DHX35: variants seen among roughly 807,000 people sequenced by gnomAD.
DHX35 encodes DEAH-box helicase 35.
Under a neutral mutation model 99.6 loss-of-function variants are expected in DHX35, and 84 were observed. That is an observed-to-expected ratio of 0.84 (90% confidence interval 0.71 to 1.01). The LOEUF (loss-of-function observed/expected upper bound fraction) is 1.01, where lower values mean the gene tolerates loss of function less well. Among genes scored for constraint, DHX35 ranks in the 50% least tolerant of loss-of-function variants. The probability of loss-of-function intolerance (pLI) is 0.00; values close to 1 mark genes in which losing one functional copy is unlikely to be tolerated. For synonymous variants in DHX35, 331 were observed against 316.2 expected, an observed-to-expected ratio of 1.05 and a Z score of -0.50; for missense variants, 852 against 888.5, an observed-to-expected ratio of 0.96 and a Z score of 0.52.
At chr20:39,007,649 T>C (rs148413699) in intron 12 of DHX35, among the ~76,000 whole-genome samples, 43 of 152,172 alleles carry the variant, frequency 2.8e-4, no homozygotes, top group Middle Eastern at 3.4e-3. Context: ...GAAGAGGTGA[T>C]TGGGGAGATT....
chr20:38,998,362 T>C (rs996976574), intron 8 of DHX35, among the ~76,000 whole-genome samples: 9 of 152,202 alleles, frequency 5.9e-5, no homozygotes, highest in Non-Finnish European at 7.4e-5. Flanking sequence ...GTCTCCACCC[T>C]GGACCAGTCT....
intron 3 of DHX35, chr20:38,978,422 T>C: frequency 1.6e-6 from 1 of 641,990 alleles, no homozygotes; most frequent in South Asian, 1.6e-5. Context: ...ACATCTTTCA[T>C]GGGGTGGTGG....
intron 7 of DHX35, among the ~76,000 whole-genome samples, chr20:38,993,360 C>CT (rs1300599138): frequency 2.0e-5 from 3 of 151,880 alleles, no homozygotes; most frequent in Admixed American, 6.6e-5. Context: ...TTTCTTCTCT[C>CT]TTTTTTTTCT....
rs1419163922 is a variant in DHX35, at chr20:38,969,075, C to T, written c.41-6C>T. On this transcript the variant is annotated splice_polypyrimidine_tract_variant and splice_region_variant and intron_variant, in intron 1 of 21. Coordinates refer to ENST00000252011, the MANE Select transcript of DHX35 (RefSeq NM_021931.4). ...AGAATCTGAAAAAAAAACATTTCTG[C>T]TGCAGGTACAGAGGGGCCAGGTGTA... 2 of 1,584,540 alleles carry T rather than the reference C, an allele frequency of 1.3e-6. No individual in the cohort carries two copies. Among genetic ancestry groups the T allele is most frequent in the Non-Finnish European group, 1.7e-6 (2 of 1,167,288 alleles).
rs770087110 is a variant in DHX35, at chr20:38,962,390, T to A, written c.23T>A (p.Val8Glu). 6.2e-7 allele frequency: 1 copy of A among 1,612,762 alleles called. No individual in the cohort carries two copies. The highest frequency in any genetic ancestry group is 1.1e-5 in the South Asian group (1 of 90,912). Residue 8 changes from valine to glutamate, a missense_variant, in exon 1 of 22, where the codon GTG (valine) becomes GAG (glutamate). Transcript: ENST00000252011. MAAPVGP[V>E]KFWRPGTEGP... ...AACATGGCTGCGCCCGTGGGACCGGTGAAGTTCTGGCGACCCGGTAAGGCC... is the reference window on the plus strand; with the variant it reads ...AACATGGCTGCGCCCGTGGGACCGGAGAAGTTCTGGCGACCCGGTAAGGCC...
chr20:39,023,563 G>C, intron 16 of DHX35, 127 bp from the exon 17 acceptor site: 2 of 762,180 alleles, frequency 2.6e-6, no homozygotes, highest in Non-Finnish European at 4.4e-6. Context: ...ATGTTGCCCA[G>C]GCTGGTCTCG....
intron 3 of DHX35, chr20:38,977,702 A>G (rs1304131837): frequency 1.8e-5 from 7 of 379,224 alleles, no homozygotes; most frequent in Admixed American, 1.7e-4. Context: ...ACAGCCAGAT[A>G]TCAACTGTTG....
chr20:39,016,132 C>T (rs557889401), intron 14 of DHX35, among the ~76,000 whole-genome samples: 1 of 152,182 alleles, frequency 6.6e-6, no homozygotes, highest in Non-Finnish European at 1.5e-5. Flanking sequence ...CCTGCTTCCA[C>T]TCAAGGTGGA....
chr20:39,034,294 C>G lies in DHX35; in HGVS notation c.2044C>G (p.Pro682Ala). 6.2e-7 allele frequency: 1 copy of G among 1,614,142 alleles called. No individual in the cohort carries two copies. The highest frequency in any genetic ancestry group is 8.5e-7 in the Non-Finnish European group (1 of 1,180,014). ...ATCGGCCTGGCTGTTGGAGCTGGCTCCACACTTTTATCAACAAGGAACGGT... is the reference window on the plus strand; with the variant it reads ...ATCGGCCTGGCTGTTGGAGCTGGCTGCACACTTTTATCAACAAGGAACGGT... ...IESAWLLELA[P>A]HFYQQGTHLS... The change falls in exon 21 of 22, where the codon CCA becomes GCA. Residue 682 changes from proline to alanine, a missense_variant. Pro to Ala is a conservative substitution (Grantham distance 27). Transcript: ENST00000252011.
intron 2 of DHX35, among the ~76,000 whole-genome samples, chr20:38,969,995 G>A (rs2085969679): frequency 6.6e-6 from 1 of 152,218 alleles, no homozygotes; most frequent in Non-Finnish European, 1.5e-5. Flanking sequence ...GGAATGACCC[G>A]AGTAGGTGTG....
At chr20:39,006,825 A>G (rs948748170) in intron 12 of DHX35, among the ~76,000 whole-genome samples, 2 of 152,244 alleles carry the variant, frequency 1.3e-5, no homozygotes, top group Non-Finnish European at 2.9e-5. Flanking sequence ...CATAGAAAAC[A>G]AATAGTTGGT....
chr20:39,039,418 C>G lies in DHX35; in HGVS notation c.*875C>G, dbSNP rs554674847. 6.6e-6 allele frequency: 1 copy of G among 152,562 alleles called. No homozygotes were observed. Among genetic ancestry groups the G allele is most frequent in the African/African-American group, 2.4e-5 (1 of 41,436 alleles). The allele number at this position is 152,562 out of a possible 1,614,324, so 9.5% of individuals were successfully genotyped here. On this transcript the variant is annotated 3_prime_UTR_variant, in exon 22 of 22. Coordinates refer to ENST00000252011, the MANE Select transcript of DHX35 (RefSeq NM_021931.4). The stretch of plus-strand genomic sequence containing the variant: ...TTGTTTGCTTGGGTTCTTGCAAGAG[C>G]GCGTGGGGACAGTTCTTCCAGCAGG...
intron 11 of DHX35, among the ~76,000 whole-genome samples, 186 bp from the exon 12 acceptor site, chr20:39,005,960 A>G (rs551164698): frequency 1.3e-5 from 2 of 152,282 alleles, no homozygotes; most frequent in African/African-American, 2.4e-5. Context: ...CCAGGGTCAC[A>G]TGATTAGGGA....
chr20:39,008,089 GTTC>G (rs1220575049), intron 12 of DHX35, among the ~76,000 whole-genome samples: 3 of 152,140 alleles, frequency 2.0e-5, no homozygotes, highest in Non-Finnish European at 4.4e-5. Context: ...ACCAACCTGT[GTTC>G]TTCTCAATGG....
At position 39,023,786 on chromosome 20, in the gene DHX35, C is replaced by T. The variant is rs1009388255; in HGVS notation, c.1671+19C>T. 8.7e-6 allele frequency: 14 copies of T among 1,606,046 alleles called. No individual in the cohort carries two copies. Among genetic ancestry groups the T allele is most frequent in the African/African-American group, 1.3e-5 (1 of 74,764 alleles). On this transcript the variant is annotated intron_variant, in intron 17 of 21. Coordinates refer to ENST00000252011, the MANE Select transcript of DHX35 (RefSeq NM_021931.4). ...TATCAAAGTAAGCACAACTACTGCT[C>T]GAAGTGCCGCCTCAACACACCACCC...
At chr20:38,968,002 G>T (rs967687906) in intron 1 of DHX35, among the ~76,000 whole-genome samples, 1 of 151,974 alleles carries the variant, frequency 6.6e-6, no homozygotes, top group Non-Finnish European at 1.5e-5. Context: ...TCTCTCCATA[G>T]CACTTATGAC....
At chr20:39,031,887 G>A (rs1006982256) in intron 20 of DHX35, among the ~76,000 whole-genome samples, 2 of 152,210 alleles carry the variant, frequency 1.3e-5, no homozygotes, top group Non-Finnish European at 2.9e-5. Context: ...AACCTCATGC[G>A]TTTGGGAAGT....
intron 12 of DHX35, 50 bp from the exon 13 acceptor site, chr20:39,010,230 C>G (rs1389436469): frequency 1.9e-6 from 3 of 1,613,566 alleles, no homozygotes; most frequent in African/African-American, 2.7e-5. Flanking sequence ...ATAGTGATTG[C>G]ATTTGATTGT....
At chr20:39,004,045 A>G (rs2086570564) in intron 11 of DHX35, 138 bp downstream of exon 11, 3 of 973,988 alleles carry the variant, frequency 3.1e-6, no homozygotes, top group Non-Finnish European at 4.6e-6. Flanking sequence ...AAAAGCACAC[A>G]ATAAATAATA....
Sources: gnomAD v4.1 joint callset for allele counts (sites outside exome capture counted in the v4.1 genomes callset) on GRCh38, gnomAD v4.1.1 for gene constraint, MANE v1.5 for transcripts, NCBI Gene and HGNC (gene_info 2026-07-23, HGNC 2026-07-21) for gene names.